The following BBX variants were observed in gnomAD, a reference collection of about 807,000 sequenced individuals.
BBX encodes BBX high mobility group box domain containing.
A neutral mutation model predicts 100.2 loss-of-function variants in BBX; 30 were observed. That is an observed-to-expected ratio of 0.30 (90% CI 0.22 to 0.41). The LOEUF is 0.41. BBX is among the 10% of genes least tolerant of loss of function. The probability of loss-of-function intolerance (pLI) is 1.00; values close to 1 mark genes in which losing one functional copy is unlikely to be tolerated. For synonymous variants in BBX, 376 were observed against 388.1 expected (o/e 0.97, Z 0.37); for missense variants, 1,023 against 1,129.8 (o/e 0.91, Z 1.35).
At chr3:107,789,102 G>A (rs1373297720) in intron 13 of BBX, among the ~76,000 whole-genome samples, 11 of 152,226 alleles carry the variant, frequency 7.2e-5, no homozygotes, top group African/African-American at 2.6e-4. Flanking sequence ...TGTAGTTGCA[G>A]CTGTTGGTAG....
intron 7 of BBX, among the ~76,000 whole-genome samples, chr3:107,734,594 T>C (rs1369507357): frequency 1.3e-5 from 2 of 152,184 alleles, no homozygotes; most frequent in Non-Finnish European, 2.9e-5. Context: ...CAAGAATACA[T>C]TGAATTGTGA....
intron 3 of BBX, among the ~76,000 whole-genome samples, chr3:107,668,692 G>A (rs944468760): frequency 6.6e-6 from 1 of 152,194 alleles, no homozygotes; most frequent in African/African-American, 2.4e-5. Context: ...AAAGCTCATG[G>A]AGACAGCCTT....
At chr3:107,664,985 G>T (rs960762558) in intron 3 of BBX, among the ~76,000 whole-genome samples, 4 of 152,054 alleles carry the variant, frequency 2.6e-5, no homozygotes, top group African/African-American at 9.7e-5. Flanking sequence ...TGTACACACT[G>T]TTCCAATTTT....
At chr3:107,651,527 G>C (rs2057837529) in intron 3 of BBX, among the ~76,000 whole-genome samples, 1 of 152,152 alleles carries the variant, frequency 6.6e-6, no homozygotes, top group African/African-American at 2.4e-5. Context: ...AGTTGAACAA[G>C]ATAATTACTC....
chr3:107,568,809 T>C lies in BBX; in HGVS notation c.-84+42411T>C, dbSNP rs151215971. 3.7e-3 allele frequency among the ~76,000 whole-genome samples: 569 copies of C among 152,342 alleles called. 6 individuals are homozygous for C. Among genetic ancestry groups the C allele is most frequent in the African/African-American group, 0.013 (556 of 41,586 alleles). The stretch of plus-strand genomic sequence containing the variant: ...CTGATCAGTCTTATAGTTCAATAAA[T>C]AAATTTTTAATTTCCAGCTTCCCAA... On this transcript the variant is annotated intron_variant, in intron 2 of 17. Transcript: ENST00000325805.
rs556439407 is a variant in BBX, at chr3:107,810,238, T to C, written c.*4781T>C. 9.4e-4 allele frequency: 143 copies of C among 151,924 alleles called. No homozygotes were observed. The highest frequency in any genetic ancestry group is 3.4e-3 in the Middle Eastern group (1 of 294). 9.4% of individuals were successfully genotyped at this position (151,924 alleles called of 1,614,324 possible). A position where few individuals can be genotyped will look rare whatever the true frequency, so the allele number is the denominator to read the frequency against. The stretch of plus-strand genomic sequence containing the variant: ...AAAAAAAAAAAAAAAAGGTTCCTCT[T>C]CTGGCCAAATTTGATCTATGGTGGT... On this transcript the variant is annotated 3_prime_UTR_variant, in exon 18 of 18. Transcript: ENST00000325805.
intron 7 of BBX, among the ~76,000 whole-genome samples, chr3:107,741,316 G>A (rs775773995): frequency 1.1e-4 from 16 of 151,892 alleles, no homozygotes; most frequent in Non-Finnish European, 1.8e-4. Flanking sequence ...TATGTGAATT[G>A]CTCCTGTGAA....
At chr3:107,772,505 T>A (rs2066987910) in intron 10 of BBX, 123 bp from the exon 11 acceptor site, 1 of 1,069,500 alleles carries the variant, frequency 9.4e-7, no homozygotes, top group South Asian at 1.9e-5. Context: ...GTGGGCTGAT[T>A]GTTGTAAAGT....
intron 9 of BBX, among the ~76,000 whole-genome samples, chr3:107,751,159 G>A (rs2065047932): frequency 6.6e-6 from 1 of 152,094 alleles, no homozygotes; most frequent in South Asian, 2.1e-4. Flanking sequence ...CACGGTGGAA[G>A]GGTCAAGAGA....
intron 16 of BBX, among the ~76,000 whole-genome samples, chr3:107,798,943 G>A (rs2070081378): frequency 6.6e-6 from 1 of 151,596 alleles, no homozygotes; most frequent in African/African-American, 2.4e-5. Flanking sequence ...GAGGTCAGGA[G>A]ATCGAGACCA....
At chr3:107,538,107 A>G (rs2048620655) in intron 2 of BBX, among the ~76,000 whole-genome samples, 1 of 152,202 alleles carries the variant, frequency 6.6e-6, no homozygotes, top group Non-Finnish European at 1.5e-5. Context: ...ACTTCTTTTT[A>G]GGTTTCGTAT....
intron 2 of BBX, among the ~76,000 whole-genome samples, chr3:107,602,651 G>C (rs948094640): frequency 6.6e-6 from 1 of 152,224 alleles, no homozygotes; most frequent in African/African-American, 2.4e-5. Context: ...GACATTGAGG[G>C]ATTCAAGCCA....
At chr3:107,532,777 T>G (rs1559781361) in intron 2 of BBX, among the ~76,000 whole-genome samples, 2 of 152,208 alleles carry the variant, frequency 1.3e-5, no homozygotes, top group African/African-American at 4.8e-5. Context: ...CAAAATTAAG[T>G]GACTTTGGCA....
intron 6 of BBX, among the ~76,000 whole-genome samples, chr3:107,729,638 C>T (rs941966592): frequency 3.3e-5 from 5 of 152,092 alleles, no homozygotes; most frequent in Non-Finnish European, 7.4e-5. Context: ...TATTACAGTG[C>T]AGTAATCAAA....
At chr3:107,589,687 A>T (rs1368489280) in intron 2 of BBX, among the ~76,000 whole-genome samples, 1 of 152,176 alleles carries the variant, frequency 6.6e-6, no homozygotes, top group Non-Finnish European at 1.5e-5. Flanking sequence ...CAGACTCTTC[A>T]TTGTCTCTGG....
At chr3:107,648,918 A>T (rs1367771395) in intron 3 of BBX, among the ~76,000 whole-genome samples, 2 of 152,220 alleles carry the variant, frequency 1.3e-5, no homozygotes, top group Non-Finnish European at 2.9e-5. Flanking sequence ...AGTAAGGAAC[A>T]TGCTTAGACA....
chr3:107,561,530 A>G (rs1396683279), intron 2 of BBX, among the ~76,000 whole-genome samples: 1 of 152,096 alleles, frequency 6.6e-6, no homozygotes, highest in South Asian at 2.1e-4. Context: ...TATTCACATG[A>G]TGGAGTAAAT....
chr3:107,689,314 C>G (rs997312430), intron 3 of BBX, among the ~76,000 whole-genome samples: 1 of 152,144 alleles, frequency 6.6e-6, no homozygotes, highest in African/African-American at 2.4e-5. Context: ...CCTTCCCTTA[C>G]GTGCTGTGTT....
At chr3:107,785,646 TACTC>T (rs1173306974) in intron 13 of BBX, among the ~76,000 whole-genome samples, 2 of 151,866 alleles carry the variant, frequency 1.3e-5, no homozygotes, top group African/African-American at 4.8e-5. Context: ...AAAAAAAAAT[TACTC>T]AACAAACTAG....
Sources: allele counts gnomAD v4.1 joint callset (sites outside exome capture counted in the v4.1 genomes callset), GRCh38; gene constraint gnomAD v4.1.1; transcripts MANE v1.5; gene names NCBI Gene and HGNC (gene_info 2026-07-23, HGNC 2026-07-21).